Variants in LRRC4C observed in about 807,000 individuals in gnomAD.
The protein encoded by LRRC4C is leucine rich repeat containing 4C.
Under a neutral mutation model 33.6 loss-of-function variants are expected in LRRC4C, and 5 were observed. That is an observed-to-expected ratio of 0.15 (90% CI 0.08 to 0.31). The LOEUF (loss-of-function observed/expected upper bound fraction) is 0.31, where lower values mean the gene tolerates loss of function less well. LRRC4C is among the 10% of genes least tolerant of loss of function. The probability of loss-of-function intolerance (pLI) is 1.00; values close to 1 mark genes in which losing one functional copy is unlikely to be tolerated. For missense variants in LRRC4C, 560 were observed against 796.7 expected, an observed-to-expected ratio of 0.70 and a Z score of 3.58; for synonymous variants, 329 against 302.0, an observed-to-expected ratio of 1.09 and a Z score of -0.93.
At chr11:40,157,302 A>C (rs2135305645) in intron 5 of LRRC4C, among the ~76,000 whole-genome samples, 1 of 152,330 alleles carries the variant, frequency 6.6e-6, no homozygotes, top group East Asian at 1.9e-4. Context: ...GAAACTATAA[A>C]AATTCTAGAA....
chr11:40,764,918 A>G (rs1006238154), intron 2 of LRRC4C, among the ~76,000 whole-genome samples: 8 of 152,290 alleles, frequency 5.3e-5, no homozygotes, highest in African/African-American at 1.9e-4. Flanking sequence ...TGCAGTGACC[A>G]TAGCCTTAGG....
At chr11:40,451,311 T>A (rs1288515627) in intron 3 of LRRC4C, among the ~76,000 whole-genome samples, 1 of 143,900 alleles carries the variant, frequency 6.9e-6, no homozygotes, top group African/African-American at 2.5e-5. Context: ...AGACTCAAAT[T>A]ACCAAAATCA....
intron 5 of LRRC4C, among the ~76,000 whole-genome samples, chr11:40,165,300 G>A (rs1282116967): frequency 6.6e-6 from 1 of 152,092 alleles, no homozygotes; most frequent in Non-Finnish European, 1.5e-5. Context: ...GAATTTGTGT[G>A]TGTGCCTTTG....
At chr11:40,238,049 T>C (rs569427367) in intron 5 of LRRC4C, among the ~76,000 whole-genome samples, 1 of 152,320 alleles carries the variant, frequency 6.6e-6, no homozygotes, top group South Asian at 2.1e-4. Flanking sequence ...GGTACACTGC[T>C]TTGTTCAGTG....
At chr11:41,370,246 C>T (rs1428312112) in intron 1 of LRRC4C, among the ~76,000 whole-genome samples, 4 of 152,062 alleles carry the variant, frequency 2.6e-5, no homozygotes, top group Non-Finnish European at 5.9e-5. Flanking sequence ...TACAGTGGAA[C>T]AATCACAGCT....
intron 5 of LRRC4C, among the ~76,000 whole-genome samples, chr11:40,234,555 G>A (rs1342947618): frequency 6.6e-6 from 1 of 152,166 alleles, no homozygotes; most frequent in East Asian, 1.9e-4. Flanking sequence ...GATCACTGGA[G>A]CCTAGGAGTT....
intron 1 of LRRC4C, among the ~76,000 whole-genome samples, chr11:41,448,033 T>C (rs1427157975): frequency 6.6e-6 from 1 of 151,698 alleles, no homozygotes; most frequent in Non-Finnish European, 1.5e-5. Flanking sequence ...AATGTGATAA[T>C]TTGTAATGGG....
intron 2 of LRRC4C, among the ~76,000 whole-genome samples, chr11:40,819,694 G>C (rs779594721): frequency 4.7e-5 from 7 of 148,464 alleles, no homozygotes; most frequent in Non-Finnish European, 7.4e-5. Context: ...AAAGGGTCCA[G>C]CAGAAAATAA....
chr11:40,753,147 T>A (rs2137005530), intron 2 of LRRC4C, among the ~76,000 whole-genome samples: 1 of 151,826 alleles, frequency 6.6e-6, no homozygotes, highest in African/African-American at 2.4e-5. Flanking sequence ...AGTGTAAGGA[T>A]GGGAGGGGGA....
chr11:40,232,422 G>A lies in LRRC4C; in HGVS notation c.-96+9097C>T, dbSNP rs576134381. 2.6e-5 allele frequency among the ~76,000 whole-genome samples: 4 copies of A among 152,200 alleles called. No individual in the cohort carries two copies. The South Asian group carries it at 8.3e-4, about 32-fold the overall frequency. ...GACAAAGTTTCCTGTTATGCATCAA[G>A]GCGTATGAAATAAGCATTTCCTACT... On this transcript the variant is annotated intron_variant, in intron 5 of 6. Transcript: ENST00000528697.
chr11:40,586,306 C>A (rs1958739273), intron 3 of LRRC4C, among the ~76,000 whole-genome samples: 1 of 150,892 alleles, frequency 6.6e-6, no homozygotes, highest in Non-Finnish European at 1.5e-5. Flanking sequence ...CCTTCACCCA[C>A]TTTTTGATGG....
chr11:41,356,665 T>C (rs2137625763), intron 1 of LRRC4C, among the ~76,000 whole-genome samples: 1 of 152,254 alleles, frequency 6.6e-6, no homozygotes, highest in African/African-American at 2.4e-5. Flanking sequence ...TGTTAGACAC[T>C]GTGAATTCAG....
intron 2 of LRRC4C, among the ~76,000 whole-genome samples, chr11:40,705,770 T>A (rs889648933): frequency 6.6e-6 from 1 of 152,098 alleles, no homozygotes; most frequent in Non-Finnish European, 1.5e-5. Flanking sequence ...AGATCTTTGA[T>A]GAATTGCCAC....
chr11:40,490,782 A>T (rs1167947215), intron 3 of LRRC4C, among the ~76,000 whole-genome samples: 1 of 152,182 alleles, frequency 6.6e-6, no homozygotes, highest in Admixed American at 6.5e-5. Context: ...TTTATATTGC[A>T]TTAACTTCTC....
intron 3 of LRRC4C, among the ~76,000 whole-genome samples, chr11:40,634,720 TA>T (rs56122866): frequency 4.7e-4 from 69 of 145,708 alleles, no homozygotes; most frequent in East Asian, 1.4e-3. Flanking sequence ...AATAAGAAAA[TA>T]AAAAAAAAAA....
intron 5 of LRRC4C, among the ~76,000 whole-genome samples, chr11:40,189,352 G>A (rs1861648520): frequency 6.6e-6 from 1 of 151,990 alleles, no homozygotes; most frequent in East Asian, 1.9e-4. Context: ...TTACCTCCTA[G>A]GGTAAACCAT....
chr11:40,968,621 T>C (rs73484745), intron 1 of LRRC4C, among the ~76,000 whole-genome samples: 28 of 152,142 alleles, frequency 1.8e-4, no homozygotes, highest in African/African-American at 5.8e-4. Flanking sequence ...ACTCTGAAAA[T>C]TTTAGAACCC....
At chr11:40,973,454 C>T (rs1457507965) in intron 1 of LRRC4C, among the ~76,000 whole-genome samples, 1 of 152,104 alleles carries the variant, frequency 6.6e-6, no homozygotes, top group African/African-American at 2.4e-5. Context: ...CTCGAGGAAT[C>T]CCAAAATGAT....
chr11:40,378,549 C>T (rs184940697), intron 3 of LRRC4C, among the ~76,000 whole-genome samples: 3 of 152,046 alleles, frequency 2.0e-5, no homozygotes, highest in East Asian at 3.9e-4. Context: ...GATGGGTAAA[C>T]TTTAAAATAT....
Sources: allele counts gnomAD v4.1 joint callset (sites outside exome capture counted in the v4.1 genomes callset), GRCh38; gene constraint gnomAD v4.1.1; transcripts MANE v1.5; gene names NCBI Gene and HGNC (gene_info 2026-07-23, HGNC 2026-07-21).